Variants in MDM2 observed in about 807,000 individuals in gnomAD.
MDM2 encodes the protein E3 ubiquitin-protein ligase Mdm2.
In MDM2, 11 loss-of-function variants were observed where a neutral mutation model predicts 64.3. That is an observed-to-expected ratio of 0.17 (90% CI 0.11 to 0.28). The LOEUF is 0.28. Among genes scored for constraint, MDM2 ranks in the 10% least tolerant of loss-of-function variants. MDM2 has a pLI of 1.00. For missense variants in MDM2, 388 were observed against 577.1 expected (o/e 0.67, Z 3.36); for synonymous variants, 194 against 192.9 (o/e 1.01, Z -0.05).
Position 68,842,469 on chromosome 12 carries a change from A to AT in MDM2, c.*2626dup, listed in dbSNP as rs1883856942. 4.8e-6 allele frequency: 2 copies of AT among 412,874 alleles called. No individual in the cohort carries two copies. The highest frequency in any genetic ancestry group is 1.9e-5 in the South Asian group (1 of 51,540). The allele number at this position is 412,874 out of a possible 1,614,324, so 25.6% of individuals were successfully genotyped here. A position where few individuals can be genotyped will look rare whatever the true frequency, so the allele number is the denominator to read the frequency against. Reference sequence around the variant, plus strand: ...CTTAGAACCTCTAAATTATTGACTTATTTTTTATATAAGGTCACTCCGATG... The same window carrying AT: ...CTTAGAACCTCTAAATTATTGACTTATTTTTTTATATAAGGTCACTCCGATG... On this transcript the variant is annotated 3_prime_UTR_variant, in exon 11 of 11. Transcript: ENST00000258149.
intron 8 of MDM2, among the ~76,000 whole-genome samples, chr12:68,833,280 A>AATATATATATATATATTT (rs1170236023): frequency 9.5e-5 from 6 of 63,188 alleles, no homozygotes; most frequent in Admixed American, 1.4e-4. Context: ...TATTTATATA[A>AATATATATATATATATTT]ATATAAATAT....
At chr12:68,822,580 C>G (rs191015696) in intron 5 of MDM2, among the ~76,000 whole-genome samples, 39 of 152,118 alleles carry the variant, frequency 2.6e-4, no homozygotes, top group African/African-American at 9.2e-4. Flanking sequence ...GTATGTAACC[C>G]TGATGTATTC....
intron 8 of MDM2, among the ~76,000 whole-genome samples, chr12:68,833,265 T>TA (rs1882984281): frequency 1.9e-5 from 1 of 52,502 alleles, no homozygotes; most frequent in African/African-American, 7.2e-5. Context: ...ATTTATATAA[T>TA]TATATATTTA....
downstream of MDM2, chr12:68,849,236 TCCA>T (rs1381916281): frequency 6.8e-6 from 1 of 146,914 alleles, no homozygotes; most frequent in Non-Finnish European, 1.5e-5. Context: ...ATTACAGGGG[TCCA>T]CCACCACACC....
intron 8 of MDM2, among the ~76,000 whole-genome samples, chr12:68,832,571 G>T (rs1047892244): frequency 1.3e-5 from 2 of 152,008 alleles, no homozygotes; most frequent in Non-Finnish European, 2.9e-5. Context: ...GGAGTGCAGC[G>T]CATGATCATG....
intron 2 of MDM2, among the ~76,000 whole-genome samples, chr12:68,811,337 C>T (rs936330146): frequency 1.3e-5 from 2 of 152,084 alleles, no homozygotes; most frequent in Non-Finnish European, 2.9e-5. Flanking sequence ...GTCTTTTCCC[C>T]ATTGAGAACA....
chr12:68,817,007 A>G lies in MDM2; in HGVS notation c.308+62A>G, dbSNP rs1471666737. On this transcript the variant is annotated intron_variant, in intron 4 of 10. Coordinates refer to ENST00000258149, the MANE Select transcript of MDM2 (RefSeq NM_002392.6). ...TGGGCTAACATTTCAGTTCACCTCT[A>G]CCCTCATTCACTTTTGTCAGAGAAA... is the stretch of plus-strand genomic sequence containing the variant. 16 of 1,547,428 alleles carry G rather than the reference A, an allele frequency of 1.0e-5. No individual in the cohort carries two copies. The East Asian group carries it at 3.7e-4, about 36-fold the overall frequency.
chr12:68,816,916 C>G lies in MDM2; in HGVS notation c.279C>G (p.Gly93=), dbSNP rs764994410. 6.2e-7 allele frequency: 1 copy of G among 1,612,528 alleles called. No individual in the cohort carries two copies. The highest frequency in any genetic ancestry group is 8.5e-7 in the Non-Finnish European group (1 of 1,179,586). The part of the protein sequence containing the change: ...CSNDLLGDLF[G]VPSFSVKEHR... Reference sequence around the variant, plus strand: ...ATGATCTTCTAGGAGATTTGTTTGGCGTGCCAAGCTTCTCTGTGAAAGAGC... The same window carrying G: ...ATGATCTTCTAGGAGATTTGTTTGGGGTGCCAAGCTTCTCTGTGAAAGAGC... The change falls in exon 4 of 11, where the codon GGC becomes GGG. Residue 93 remains glycine (G), a synonymous_variant. Transcript: ENST00000258149.
rs1378375024 is a variant in MDM2, at chr12:68,843,587, G to A, written c.*3738G>A. 1 of 226,688 alleles carries A rather than the reference G, an allele frequency of 4.4e-6. No individual in the cohort carries two copies. Among genetic ancestry groups the A allele is most frequent in the Non-Finnish European group, 8.7e-6 (1 of 114,306 alleles). 14.0% of individuals were successfully genotyped at this position (226,688 alleles called of 1,614,324 possible). The stretch of plus-strand genomic sequence containing the variant: ...GATTTAGTGTTTTTCTCCCATATGT[G>A]AATTGTATATACTTAGGTGAAGACA... On this transcript the variant is annotated 3_prime_UTR_variant, in exon 11 of 11. Transcript: ENST00000258149.
At chr12:68,822,713 C>G (rs1881964066) in intron 5 of MDM2, among the ~76,000 whole-genome samples, 1 of 150,440 alleles carries the variant, frequency 6.6e-6, no homozygotes, top group Non-Finnish European at 1.5e-5. Context: ...GAATTAACTT[C>G]AGAACTCCTA....
intron 1 of MDM2, chr12:68,808,979 C>T (rs754523661): frequency 1.1e-5 from 15 of 1,422,110 alleles, no homozygotes; most frequent in Non-Finnish European, 1.4e-5. Context: ...CCTGACTTGT[C>T]TCCAGCTGGG....
At chr12:68,826,450 ACCAACCTGG>A (rs934662274) in intron 7 of MDM2, among the ~76,000 whole-genome samples, 3 of 151,924 alleles carry the variant, frequency 2.0e-5, no homozygotes, top group African/African-American at 7.3e-5. Flanking sequence ...AGAGTTCGAG[ACCAACCTGG>A]CCAACATGGT....
At chr12:68,847,811 T>C (rs746999206), downstream of MDM2, 3 of 152,234 alleles carry the variant, frequency 2.0e-5, no homozygotes, top group Non-Finnish European at 4.4e-5. Flanking sequence ...AGGATGTTGA[T>C]TGGCATTGAA....
At chr12:68,838,129 A>G (rs999298570) in intron 10 of MDM2, among the ~76,000 whole-genome samples, 1 of 152,100 alleles carries the variant, frequency 6.6e-6, no homozygotes, top group Non-Finnish European at 1.5e-5. Context: ...AGCTGTGAAA[A>G]ACCCCCTTCT....
At chr12:68,810,627 A>T (rs1880800992) in intron 2 of MDM2, among the ~76,000 whole-genome samples, 1 of 151,544 alleles carries the variant, frequency 6.6e-6, no homozygotes, top group Non-Finnish European at 1.5e-5. Flanking sequence ...ACGCCCGGCT[A>T]ATTTTTTGTA....
At position 68,835,872 on chromosome 12, in the gene MDM2, A is replaced by C; in HGVS notation, c.728A>C (p.Asp243Ala). The change falls in exon 9 of 11, where the codon GAT becomes GCT. Residue 243 changes from aspartate to alanine, a missense_variant. Physicochemically the swap from Asp to Ala is moderately radical, Grantham distance 126. Transcript: ENST00000258149. ...GVSEHSGDWL[D>A]QDSVSDQFSV... ...AGTGAACATTCAGGTGATTGGTTGG[A>C]TCAGGATTCAGTTTCAGATCAGTTT... is the stretch of plus-strand genomic sequence containing the variant. The C allele has an allele frequency of 6.2e-7, 1 of 1,613,656 alleles. No homozygotes were observed. Among genetic ancestry groups the C allele is most frequent in the Non-Finnish European group, 8.5e-7 (1 of 1,179,670 alleles).
intron 4 of MDM2, among the ~76,000 whole-genome samples, chr12:68,819,772 T>C (rs369657412): frequency 6.6e-6 from 1 of 152,224 alleles, no homozygotes; most frequent in East Asian, 1.9e-4. Flanking sequence ...ATTACAGGTG[T>C]CTGTGAGCCA....
At chr12:68,826,648 TA>T (rs66535458) in intron 7 of MDM2, among the ~76,000 whole-genome samples, 11 of 129,550 alleles carry the variant, frequency 8.5e-5, no homozygotes, top group East Asian at 2.2e-4. Context: ...GACTCCCTCT[TA>T]AAAAAAAAAA....
At chr12:68,849,787 A>G (rs1304021978), downstream of MDM2, 1 of 148,346 alleles carries the variant, frequency 6.7e-6, no homozygotes, top group Non-Finnish European at 1.5e-5. Context: ...AAATTTTTGT[A>G]TTTTCAGTAG....
Sources: gnomAD v4.1 joint callset for allele counts (sites outside exome capture counted in the v4.1 genomes callset) on GRCh38, gnomAD v4.1.1 for gene constraint, MANE v1.5 for transcripts, NCBI Gene and HGNC (gene_info 2026-07-23, HGNC 2026-07-21) for gene names.